The following CENPM variants were observed in gnomAD, a reference collection of about 807,000 sequenced individuals.
The protein encoded by CENPM is centromere protein M.
In CENPM, 14 loss-of-function variants were observed where a neutral mutation model predicts 19.6. The observed-to-expected ratio is 0.71, with a 90% CI of 0.47 to 1.11. CENPM has a LOEUF of 1.11. CENPM is among the 50% of genes most tolerant of loss of function. The pLI is 0.00. For missense variants in CENPM, 239 were observed against 228.4 expected (o/e 1.05, Z -0.30); for synonymous variants, 114 against 101.5 (o/e 1.12, Z -0.74).
intron 4 of CENPM, 118 bp from the exon 5 acceptor site, chr22:41,943,819 G>A (rs946351092): frequency 4.2e-4 from 336 of 807,776 alleles, no homozygotes; most frequent in Non-Finnish European, 5.6e-5. Context: ...TTCTAGTCGC[G>A]AGGGTGACAG....
the CENPM span, among the ~76,000 whole-genome samples, chr22:41,931,521 G>T: frequency 6.6e-6 from 1 of 151,898 alleles, no homozygotes; most frequent in African/African-American, 2.4e-5. Flanking sequence ...GATAGTTTGG[G>T]GTCTTCAGAG....
At position 41,947,105 on chromosome 22, in the gene CENPM, G is replaced by T; in HGVS notation, c.-29C>A. On this transcript the variant is annotated 5_prime_UTR_variant, in exon 1 of 6. Coordinates refer to ENST00000215980, the MANE Select transcript of CENPM (RefSeq NM_024053.5). ...AGCCGCAGGACCAACCGTTGCTCCTGCGGTGCGCGCCGATCTTTCAAACCG... is the reference window on the plus strand; with the variant it reads ...AGCCGCAGGACCAACCGTTGCTCCTTCGGTGCGCGCCGATCTTTCAAACCG... 6.2e-7 allele frequency: 1 copy of T among 1,610,310 alleles called. No individual in the cohort carries two copies. The highest frequency in any genetic ancestry group is 8.5e-7 in the Non-Finnish European group (1 of 1,178,052).
intron 2 of CENPM, 112 bp downstream of exon 2, chr22:41,946,305 A>C: frequency 1.1e-6 from 1 of 884,938 alleles, no homozygotes. Flanking sequence ...GCATGCTGGG[A>C]GAAGGACCAG....
intron 4 of CENPM, 102 bp from the exon 5 acceptor site, chr22:41,943,803 G>A (rs984990555): frequency 4.0e-6 from 4 of 1,009,630 alleles, no homozygotes; most frequent in Non-Finnish European, 5.8e-6. Context: ...CTGGGGCTCA[G>A]TTTCTTTCTA....
chr22:41,930,026 C>A, the CENPM span, among the ~76,000 whole-genome samples: 1 of 147,362 alleles, frequency 6.8e-6, no homozygotes, highest in African/African-American at 2.5e-5. Context: ...TCACTGCAAG[C>A]TCCGCCTCCC....
At chr22:41,941,100 G>A (rs1206129195) in intron 5 of CENPM, among the ~76,000 whole-genome samples, 2 of 152,198 alleles carry the variant, frequency 1.3e-5, no homozygotes, top group Non-Finnish European at 2.9e-5. Flanking sequence ...TGACTCATTT[G>A]TGTTCCCAGG....
At chr22:41,933,641 T>A in the CENPM span, among the ~76,000 whole-genome samples, 1 of 151,934 alleles carries the variant, frequency 6.6e-6, no homozygotes, top group South Asian at 2.1e-4. Context: ...AGACTTAGGG[T>A]ACACAGCCTG....
At chr22:41,929,938 T>A in the CENPM span, among the ~76,000 whole-genome samples, 1 of 102,050 alleles carries the variant, frequency 9.8e-6, no homozygotes, top group Non-Finnish European at 1.9e-5. Context: ...CCCGTGGCTT[T>A]TTTTTTTTTT....
Position 41,939,866 on chromosome 22 carries a change from AAGAAAGAAAGAAAAAGAAAG to A in CENPM, c.403-690_403-671del, listed in dbSNP as rs1302918491. ...AAAGAAAGAAAGAAAGAAAGAAAGA[AAGAAAGAAAGAAAAAGAAAG>A]AAAGAAAGAAAGAAAGAAAGAGCCT... On this transcript the variant is annotated intron_variant, in intron 5 of 5. Coordinates refer to ENST00000215980, the MANE Select transcript of CENPM (RefSeq NM_024053.5). 7.4e-3 allele frequency among the ~76,000 whole-genome samples: 140 copies of A among 18,992 alleles called. 14 individuals are homozygous for A. The highest frequency in any genetic ancestry group is 0.035 in the African/African-American group (138 of 3,940). 12.5% of individuals were successfully genotyped at this position (18,992 alleles called of 152,430 possible).
chr22:41,936,654 C>T (rs962303662), downstream of CENPM, among the ~76,000 whole-genome samples: 1 of 152,214 alleles, frequency 6.6e-6, no homozygotes, highest in Non-Finnish European at 1.5e-5. Context: ...AGGCCGGCCG[C>T]GGTGACTCTC....
downstream of CENPM, among the ~76,000 whole-genome samples, chr22:41,935,307 TCTC>T (rs1035511556): frequency 1.3e-5 from 2 of 151,850 alleles, no homozygotes; most frequent in African/African-American, 4.8e-5. Flanking sequence ...GGGGAAGGCC[TCTC>T]CTCCTGGTCG....
chr22:41,928,668 G>C, the CENPM span, among the ~76,000 whole-genome samples: 155 of 152,250 alleles, frequency 1.0e-3, no homozygotes, highest in African/African-American at 3.4e-3. This position sits in a 1 kb window ranked among gnomAD's most constrained non-coding sequence, Gnocchi z 4.0. Flanking sequence ...GCTGCTCTGG[G>C]GGCAGGCATG....
At chr22:41,935,618 G>A (rs577026074), downstream of CENPM, among the ~76,000 whole-genome samples, 47 of 152,178 alleles carry the variant, frequency 3.1e-4, no homozygotes, top group South Asian at 6.2e-4. Flanking sequence ...TGGCTTCCCC[G>A]ACCAAGTGCC....
chr22:41,946,551 A>T, intron 1 of CENPM, 55 bp from the exon 2 acceptor site: 1 of 1,487,598 alleles, frequency 6.7e-7, no homozygotes, highest in South Asian at 1.2e-5. Flanking sequence ...CCCCCTGGGG[A>T]GGGCCTGGCC....
At chr22:41,946,044 C>G in intron 2 of CENPM, 39 bp from the exon 3 acceptor site, 1 of 1,533,642 alleles carries the variant, frequency 6.5e-7, no homozygotes, top group Non-Finnish European at 9.0e-7. Flanking sequence ...GATATCCGTA[C>G]CCCCCTCATA....
At chr22:41,939,864 G>GAAAGAA (rs2077718697) in intron 5 of CENPM, among the ~76,000 whole-genome samples, 2 of 53,802 alleles carry the variant, frequency 3.7e-5, no homozygotes, top group African/African-American at 1.4e-4. Context: ...AAGAAAGAAA[G>GAAAGAA]AAAGAAAGAA....
chr22:41,928,486 C>T, the CENPM span, among the ~76,000 whole-genome samples: 1 of 152,132 alleles, frequency 6.6e-6, no homozygotes, highest in Admixed American at 6.5e-5. This position sits in a 1 kb window ranked among gnomAD's most constrained non-coding sequence, Gnocchi z 4.0. Flanking sequence ...ACACATGCCA[C>T]CCAGACCCCT....
chr22:41,930,819 C>CACCATGCTCTACTTT, the CENPM span, among the ~76,000 whole-genome samples: 1 of 150,766 alleles, frequency 6.6e-6, no homozygotes. Flanking sequence ...CACTCCTGGC[C>CACCATGCTCTACTTT]TAATTTCTTT....
chr22:41,943,140 T>C (rs1167539013), intron 5 of CENPM, among the ~76,000 whole-genome samples: 1 of 151,896 alleles, frequency 6.6e-6, no homozygotes, highest in Non-Finnish European at 1.5e-5. Flanking sequence ...AGATCTGAAA[T>C]CAGAGAGTTA....
Sources: allele counts gnomAD v4.1 joint callset (sites outside exome capture counted in the v4.1 genomes callset), GRCh38; gene constraint gnomAD v4.1.1; non-coding constraint Gnocchi (gnomAD v3.1); transcripts MANE v1.5; gene names NCBI Gene and HGNC (gene_info 2026-07-23, HGNC 2026-07-21).